CDH12: variants seen among roughly 807,000 people sequenced by gnomAD.
CDH12 encodes cadherin 12.
CDH12 carries 41 observed loss-of-function variants against 74.1 expected under a neutral mutation model. The observed-to-expected ratio is 0.55, with a 90% CI of 0.43 to 0.72. The LOEUF (loss-of-function observed/expected upper bound fraction) is 0.72, where lower values mean the gene tolerates loss of function less well. Among genes scored for constraint, CDH12 ranks in the 30% least tolerant of loss-of-function variants. The pLI is 0.00. For missense variants in CDH12, 945 were observed against 977.2 expected, an observed-to-expected ratio of 0.97 and a Z score of 0.44; for synonymous variants, 399 against 355.0, an observed-to-expected ratio of 1.12 and a Z score of -1.39.
rs540624782 is a variant in CDH12 at position 22,033,345 on chromosome 5, A to G, written c.231+45101T>C. On this transcript the variant is annotated intron_variant, in intron 5 of 14. Coordinates refer to ENST00000382254, the MANE Select transcript of CDH12 (RefSeq NM_004061.5). Reference sequence around the variant, plus strand: ...TAGACACATGCTTGAATTTTTTCACAGCAATTACCTAGCCCTGGGTTTTCC... The same window carrying G: ...TAGACACATGCTTGAATTTTTTCACGGCAATTACCTAGCCCTGGGTTTTCC... Among the ~76,000 whole-genome samples, 6 of 152,306 alleles carry G rather than the reference A, an allele frequency of 3.9e-5. No individual in the cohort carries two copies. In the East Asian group the frequency reaches 1.2e-3, roughly 29 times the overall value.
chr5:22,610,948 C>T (rs994070909), intron 1 of CDH12, among the ~76,000 whole-genome samples: 2 of 151,874 alleles, frequency 1.3e-5, no homozygotes, highest in East Asian at 1.9e-4. Flanking sequence ...ACTAATTTGC[C>T]CAACATGACA....
intron 1 of CDH12, among the ~76,000 whole-genome samples, chr5:22,614,330 C>A (rs553291606): frequency 6.6e-6 from 1 of 152,020 alleles, no homozygotes; most frequent in East Asian, 1.9e-4. Context: ...TACAATTGCA[C>A]GCTCTGGGTA....
chr5:22,795,795 A>G (rs1293701226), intron 1 of CDH12, among the ~76,000 whole-genome samples: 1 of 151,964 alleles, frequency 6.6e-6, no homozygotes, highest in African/African-American at 2.4e-5. Flanking sequence ...GAAATGAGAA[A>G]TTATGATACC....
chr5:22,696,096 C>T (rs1042199240), intron 1 of CDH12, among the ~76,000 whole-genome samples: 7 of 152,112 alleles, frequency 4.6e-5, no homozygotes, highest in East Asian at 1.9e-4. Context: ...CAGCTGGGCG[C>T]GGTGGCTCAT....
At chr5:22,721,809 T>C (rs1381841396) in intron 1 of CDH12, among the ~76,000 whole-genome samples, 1 of 152,168 alleles carries the variant, frequency 6.6e-6, no homozygotes, top group Admixed American at 6.5e-5. Flanking sequence ...TCATGATATC[T>C]GTTGATTTTA....
chr5:22,603,903 T>G (rs1356684340), intron 1 of CDH12, among the ~76,000 whole-genome samples: 2 of 151,380 alleles, frequency 1.3e-5, no homozygotes, highest in Non-Finnish European at 2.9e-5. Context: ...TCACCAAGAG[T>G]GATTTCATGC....
intron 6 of CDH12, chr5:21,883,581 AC>A (rs1402175716): frequency 8.7e-6 from 14 of 1,604,766 alleles, no homozygotes; most frequent in Non-Finnish European, 1.2e-5. Context: ...AGAGGGGTTG[AC>A]CCTGAATCTT....
intron 1 of CDH12, among the ~76,000 whole-genome samples, chr5:22,526,770 A>T (rs1737303971): frequency 6.6e-6 from 1 of 152,126 alleles, no homozygotes; most frequent in Non-Finnish European, 1.5e-5. Flanking sequence ...GAGGTGTGGT[A>T]TTGCTTTTAG....
chr5:21,963,116 T>G (rs958948386), intron 6 of CDH12, among the ~76,000 whole-genome samples: 1 of 129,194 alleles, frequency 7.7e-6, no homozygotes, highest in Non-Finnish European at 1.6e-5. Flanking sequence ...GATAGATAGA[T>G]AGATAGATAG....
chr5:22,724,375 C>T (rs1251085307), intron 1 of CDH12, among the ~76,000 whole-genome samples: 3 of 149,684 alleles, frequency 2.0e-5, no homozygotes, highest in Non-Finnish European at 4.4e-5. Flanking sequence ...TCATTTATTC[C>T]TCATCACTTT....
intron 6 of CDH12, among the ~76,000 whole-genome samples, chr5:21,922,287 G>C (rs1754388589): frequency 6.6e-6 from 1 of 152,086 alleles, no homozygotes; most frequent in African/African-American, 2.4e-5. Context: ...ATATAAAAAA[G>C]CATCTAAGAA....
intron 1 of CDH12, among the ~76,000 whole-genome samples, chr5:22,766,470 C>T (rs114551748): frequency 6.6e-6 from 1 of 152,042 alleles, no homozygotes; most frequent in Non-Finnish European, 1.5e-5. Flanking sequence ...TATTGAATGA[C>T]AATGTCAGAT....
At chr5:21,980,471 T>G (rs1181617060) in intron 5 of CDH12, among the ~76,000 whole-genome samples, 4 of 152,124 alleles carry the variant, frequency 2.6e-5, no homozygotes, top group Non-Finnish European at 1.5e-5. Context: ...GCTTATGGAA[T>G]GATATTTAAA....
intron 3 of CDH12, among the ~76,000 whole-genome samples, chr5:22,395,619 C>T (rs1224091322): frequency 6.6e-6 from 1 of 151,878 alleles, no homozygotes; most frequent in African/African-American, 2.4e-5. Context: ...TTCTTTTGGA[C>T]ATATTAAATA....
chr5:22,012,299 CA>C (rs1223647374), intron 5 of CDH12, among the ~76,000 whole-genome samples: 1 of 151,180 alleles, frequency 6.6e-6, no homozygotes, highest in African/African-American at 2.4e-5. Context: ...TAATTGTTGT[CA>C]AATAAGTGAA....
chr5:22,455,350 T>C (rs888659148), intron 2 of CDH12, among the ~76,000 whole-genome samples: 1 of 152,194 alleles, frequency 6.6e-6, no homozygotes, highest in African/African-American at 2.4e-5. Flanking sequence ...TTTGAAATGA[T>C]AGCCTTTAGA....
chr5:22,412,552 C>T (rs943918480), intron 2 of CDH12, among the ~76,000 whole-genome samples: 1 of 151,840 alleles, frequency 6.6e-6, no homozygotes, highest in Non-Finnish European at 1.5e-5. Flanking sequence ...TTGTCATTTA[C>T]AGGTTTTCTC....
intron 8 of CDH12, among the ~76,000 whole-genome samples, chr5:21,831,272 T>G (rs1003675911): frequency 1.3e-5 from 2 of 152,144 alleles, no homozygotes; most frequent in Non-Finnish European, 2.9e-5. Flanking sequence ...TAATGTGCTA[T>G]CCACTTACGT....
chr5:22,726,367 C>A (rs1001668763), intron 1 of CDH12, among the ~76,000 whole-genome samples: 1 of 151,622 alleles, frequency 6.6e-6, no homozygotes, highest in South Asian at 2.1e-4. Flanking sequence ...CTTTTTGTTG[C>A]CTGATAGCTC....
Sources: gnomAD v4.1 joint callset for allele counts (sites outside exome capture counted in the v4.1 genomes callset) on GRCh38, gnomAD v4.1.1 for gene constraint, MANE v1.5 for transcripts, NCBI Gene and HGNC (gene_info 2026-07-23, HGNC 2026-07-21) for gene names.